The following HEXB variants were observed in gnomAD, a reference collection of about 807,000 sequenced individuals.
HEXB encodes beta-hexosaminidase subunit beta.
Under a neutral mutation model 71.2 loss-of-function variants are expected in HEXB, and 51 were observed. The observed-to-expected ratio is 0.72, with a 90% confidence interval of 0.57 to 0.90. The LOEUF (loss-of-function observed/expected upper bound fraction) is 0.90. HEXB is among the 40% of genes least tolerant of loss of function. HEXB has a pLI of 0.00. For synonymous variants in HEXB, 266 were observed against 249.3 expected (o/e 1.07, Z -0.63); for missense variants, 617 against 677.0 (o/e 0.91, Z 0.98).
At chr5:74,695,731 C>T (rs1749098264) in intron 3 of HEXB, among the ~76,000 whole-genome samples, 1 of 149,990 alleles carries the variant, frequency 6.7e-6, no homozygotes. Flanking sequence ...GTCCCAGCTA[C>T]TTGGGAGGCT....
chr5:74,717,528 C>T (rs1444830471), intron 9 of HEXB, among the ~76,000 whole-genome samples: 2 of 150,362 alleles, frequency 1.3e-5, no homozygotes, highest in East Asian at 1.9e-4. Context: ...TCTACTAGAC[C>T]GTGCTGCTCT....
At chr5:74,695,444 C>A (rs1749092082) in intron 3 of HEXB, among the ~76,000 whole-genome samples, 1 of 151,102 alleles carries the variant, frequency 6.6e-6, no homozygotes, top group African/African-American at 2.4e-5. Flanking sequence ...ACCTCGTGAT[C>A]CACCTGCCTT....
At position 74,701,343 on chromosome 5, in the gene HEXB, C is replaced by A. The variant is rs1414131672; in HGVS notation, c.670-3876C>A. ...TCATTATACTTTTTCTTATTAAATT[C>A]TTGATTCTATTAGAATTTACTTTAG... On this transcript the variant is annotated intron_variant, in intron 5 of 13. Transcript: ENST00000261416. 2.0e-5 allele frequency among the ~76,000 whole-genome samples: 3 copies of A among 151,998 alleles called. No homozygotes were observed. The East Asian group carries it at 5.8e-4, about 29-fold the overall frequency.
At chr5:74,689,106 T>C (rs1748937464) in intron 1 of HEXB, among the ~76,000 whole-genome samples, 1 of 152,192 alleles carries the variant, frequency 6.6e-6, no homozygotes, top group African/African-American at 2.4e-5. Flanking sequence ...TTCCCATGCC[T>C]GAATCCCATT....
intron 11 of HEXB, 78 bp downstream of exon 11, chr5:74,719,049 T>C: frequency 6.4e-6 from 9 of 1,416,390 alleles, no homozygotes; most frequent in Non-Finnish European, 9.0e-6. Flanking sequence ...GTTACCTTTG[T>C]TTTATGAGTT....
intron 1 of HEXB, among the ~76,000 whole-genome samples, chr5:74,661,511 CTCTGTGTG>C (rs1467135877): frequency 0.033 from 4,177 of 127,456 alleles, 86 homozygotes; most frequent in Non-Finnish European, 0.04. Flanking sequence ...TTTTCTCTCT[CTCTGTGTG>C]TGTGTGTGTG....
At chr5:74,706,425 G>A (rs931602572) in intron 6 of HEXB, among the ~76,000 whole-genome samples, 2 of 152,220 alleles carry the variant, frequency 1.3e-5, no homozygotes, top group Admixed American at 6.5e-5. Flanking sequence ...ATCTCACTAG[G>A]GAGTGCCAGA....
At chr5:74,688,335 A>G (rs987908451) in intron 1 of HEXB, among the ~76,000 whole-genome samples, 1 of 103,326 alleles carries the variant, frequency 9.7e-6, no homozygotes, top group African/African-American at 3.2e-5. Context: ...AACAAAAGGT[A>G]CTTTTTTTTT....
chr5:74,652,182 G>A lies in HEXB; in HGVS notation c.-377+11624G>A, dbSNP rs2112076067. Reference sequence around the variant, plus strand: ...ATAAATAATAATTAATGTCCATTTAGAGTCACAGTGGTTTACCTCTCAACA... The same window carrying A: ...ATAAATAATAATTAATGTCCATTTAAAGTCACAGTGGTTTACCTCTCAACA... On this transcript the variant is annotated intron_variant, in intron 1 of 13. Transcript: ENST00000511181. This position sits in a 1 kb window ranked among gnomAD's most constrained non-coding sequence, Gnocchi z 5.4. 6.6e-6 allele frequency among the ~76,000 whole-genome samples: 1 copy of A among 152,336 alleles called. No individual in the cohort carries two copies. Among genetic ancestry groups the A allele is most frequent in the Admixed American group, 6.5e-5 (1 of 15,306 alleles).
In HEXB at chr5:74,721,275, T is replaced by G; in HGVS notation, c.*100T>G. Reference sequence around the variant, plus strand: ...TTAGACTGTTTTTTGAATAAAATATTTTTATTGATTGAACCTTTGACCCTC... The same window carrying G: ...TTAGACTGTTTTTTGAATAAAATATGTTTATTGATTGAACCTTTGACCCTC... On this transcript the variant is annotated 3_prime_UTR_variant, in exon 14 of 14. Transcript: ENST00000261416. The G allele has an allele frequency of 2.0e-6, 2 of 984,982 alleles. No individual in the cohort carries two copies. Among genetic ancestry groups the G allele is most frequent in the Non-Finnish European group, 3.2e-6 (2 of 621,852 alleles). 61.0% of individuals were successfully genotyped at this position (984,982 alleles called of 1,614,324 possible). A position where few individuals can be genotyped will look rare whatever the true frequency, so the allele number is the denominator to read the frequency against.
chr5:74,647,603 A>G (rs554987909), intron 1 of HEXB, among the ~76,000 whole-genome samples: 1 of 152,366 alleles, frequency 6.6e-6, no homozygotes, highest in South Asian at 2.1e-4. Flanking sequence ...AAGGATATAT[A>G]CAAGCATCCG....
chr5:74,720,835 A>G, intron 13 of HEXB, 88 bp downstream of exon 13: 1 of 1,038,832 alleles, frequency 9.6e-7, no homozygotes, highest in Non-Finnish European at 1.5e-6. Context: ...TATGTTACCT[A>G]ACAAATAGTA....
At chr5:74,664,951 G>A (rs1415867142) in intron 1 of HEXB, among the ~76,000 whole-genome samples, 2 of 152,188 alleles carry the variant, frequency 1.3e-5, no homozygotes, top group Admixed American at 6.5e-5. Context: ...CCTTGGAGAA[G>A]CGCATTTGGG....
intron 1 of HEXB, among the ~76,000 whole-genome samples, chr5:74,672,627 G>A (rs1748560050): frequency 1.3e-5 from 2 of 152,182 alleles, no homozygotes; most frequent in South Asian, 2.1e-4. Flanking sequence ...GAGAGGGCAG[G>A]CTGACATGCC....
At chr5:74,678,211 T>G (rs1748671433) in intron 1 of HEXB, among the ~76,000 whole-genome samples, 1 of 151,996 alleles carries the variant, frequency 6.6e-6, no homozygotes, top group Non-Finnish European at 1.5e-5. Context: ...GGCAGGAGAA[T>G]CACTTGAACC....
At chr5:74,654,706 C>A (rs974101214) in intron 1 of HEXB, among the ~76,000 whole-genome samples, 1 of 152,256 alleles carries the variant, frequency 6.6e-6, no homozygotes, top group South Asian at 2.1e-4. Context: ...CCTAAAGCCA[C>A]AGGGAACCTC....
At chr5:74,708,532 G>T (rs1094146) in intron 6 of HEXB, among the ~76,000 whole-genome samples, 130,832 of 151,724 alleles carry the variant, frequency 0.86, 56,720 homozygotes, top group Non-Finnish European at 0.9. Flanking sequence ...CAGTGTGTTG[G>T]ATTCAGGAAA....
At chr5:74,709,502 A>G (rs1045991203) in intron 6 of HEXB, among the ~76,000 whole-genome samples, 4 of 152,168 alleles carry the variant, frequency 2.6e-5, no homozygotes, top group African/African-American at 4.8e-5. Context: ...ATGAATCCAG[A>G]AGCTGGTTTT....
In HEXB at chr5:74,718,871, T is replaced by A. The variant is rs764390075; in HGVS notation, c.1317T>A (p.Ser439=). The A allele has an allele frequency of 5.6e-6, 9 of 1,614,092 alleles. No individual in the cohort carries two copies. Among genetic ancestry groups the A allele is most frequent in the Non-Finnish European group, 7.6e-6 (9 of 1,179,942 alleles). ...YPEELSRVTA[S]GFPVILSAPW... is the part of the protein sequence containing the mutation. ...AGGAACTCAGTAGAGTCACAGCATCTGGCTTCCCTGTAATCCTTTCTGCTC... is the reference window on the plus strand; with the variant it reads ...AGGAACTCAGTAGAGTCACAGCATCAGGCTTCCCTGTAATCCTTTCTGCTC... The change falls in exon 11 of 14, where the codon TCT becomes TCA. Residue 439 remains serine (S), a synonymous_variant. Coordinates refer to ENST00000261416, the MANE Select transcript of HEXB (RefSeq NM_000521.4).
Sources: allele counts gnomAD v4.1 joint callset (sites outside exome capture counted in the v4.1 genomes callset), GRCh38; gene constraint gnomAD v4.1.1; non-coding constraint Gnocchi (gnomAD v3.1); transcripts MANE v1.5; gene names NCBI Gene and HGNC (gene_info 2026-07-23, HGNC 2026-07-21).